The following CDH12 variants were observed in gnomAD, a reference collection of about 807,000 sequenced individuals.
CDH12 encodes the protein cadherin-12.
A neutral mutation model predicts 74.1 loss-of-function variants in CDH12; 41 were observed. The observed-to-expected ratio is 0.55, with a 90% confidence interval of 0.43 to 0.72. CDH12 has a LOEUF of 0.72. CDH12 is among the 30% of genes least tolerant of loss of function. CDH12 has a pLI of 0.00. For missense variants in CDH12, 945 were observed against 977.2 expected (o/e 0.97, Z 0.44); for synonymous variants, 399 against 355.0 (o/e 1.12, Z -1.39).
At chr5:22,105,461 G>C (rs1744380176) in intron 4 of CDH12, among the ~76,000 whole-genome samples, 1 of 150,486 alleles carries the variant, frequency 6.6e-6, no homozygotes. Context: ...ACTTTGGGAG[G>C]CCAAGGAGGG....
chr5:22,045,654 G>A (rs559506819), intron 5 of CDH12, among the ~76,000 whole-genome samples: 26 of 147,750 alleles, frequency 1.8e-4, no homozygotes, highest in Admixed American at 3.4e-4. Context: ...TATAGATAAA[G>A]TTGGAGGGCA....
intron 1 of CDH12, among the ~76,000 whole-genome samples, chr5:22,752,276 A>G (rs1745618347): frequency 1.3e-5 from 2 of 152,002 alleles, no homozygotes; most frequent in Non-Finnish European, 2.9e-5. Context: ...GAAAAATTAT[A>G]AGAAAAAAAC....
chr5:22,339,595 T>A (rs1465401883), intron 3 of CDH12, among the ~76,000 whole-genome samples: 1 of 152,154 alleles, frequency 6.6e-6, no homozygotes, highest in South Asian at 2.1e-4. Flanking sequence ...GGAAATCAGA[T>A]CCAGAGAACA....
rs61616737 is a variant in CDH12 at position 22,836,223 on chromosome 5, C to CTTT, written c.-523+16832_-523+16834dup. ...TTTTTTTCTTTTTTTCTTTCTTTCT[C>CTTT]TTTTTTTTTTTTTTTTTTGAGACAG... On this transcript the variant is annotated intron_variant, in intron 1 of 14. Coordinates refer to ENST00000382254, the MANE Select transcript of CDH12 (RefSeq NM_004061.5). Among the ~76,000 whole-genome samples the CTTT allele has an allele frequency of 1.6e-3, 105 of 65,498 alleles. 12 individuals are homozygous for CTTT. Among genetic ancestry groups the CTTT allele is most frequent in the African/African-American group, 5.5e-3 (89 of 16,088 alleles). 43.0% of individuals were successfully genotyped at this position (65,498 alleles called of 152,430 possible). A position where few individuals can be genotyped will look rare whatever the true frequency, so the allele number is the denominator to read the frequency against.
intron 1 of CDH12, among the ~76,000 whole-genome samples, chr5:22,831,470 A>C (rs1204669879): frequency 6.6e-6 from 1 of 151,716 alleles, no homozygotes; most frequent in African/African-American, 2.4e-5. Flanking sequence ...ACTTTATAGG[A>C]AGTAAATGGA....
At chr5:22,006,589 C>A (rs1286268187) in intron 5 of CDH12, among the ~76,000 whole-genome samples, 2 of 152,112 alleles carry the variant, frequency 1.3e-5, no homozygotes, top group Non-Finnish European at 2.9e-5. Flanking sequence ...AATCTTATGT[C>A]TGAAGGCTTT....
intron 5 of CDH12, among the ~76,000 whole-genome samples, chr5:22,049,965 AT>A (rs1450241465): frequency 6.6e-6 from 1 of 152,050 alleles, no homozygotes; most frequent in Non-Finnish European, 1.5e-5. Flanking sequence ...AATATATCCC[AT>A]TTTCTACAGA....
At chr5:21,782,223 T>G (rs1579691491) in intron 11 of CDH12, among the ~76,000 whole-genome samples, 1 of 152,206 alleles carries the variant, frequency 6.6e-6, no homozygotes, top group Non-Finnish European at 1.5e-5. Context: ...AGCCTCTGGG[T>G]AGTCAGACTT....
At chr5:22,544,667 A>C (rs1353861488) in intron 1 of CDH12, among the ~76,000 whole-genome samples, 1 of 152,050 alleles carries the variant, frequency 6.6e-6, no homozygotes, top group East Asian at 1.9e-4. Context: ...AAATACAAAA[A>C]TTAGCCAGGT....
At chr5:22,364,933 T>C (rs1429588191) in intron 3 of CDH12, among the ~76,000 whole-genome samples, 1 of 152,102 alleles carries the variant, frequency 6.6e-6, no homozygotes, top group African/African-American at 2.4e-5. Flanking sequence ...TAAAGACTCA[T>C]CAAAGAAAGA....
chr5:22,399,965 C>T (rs1164091837), intron 3 of CDH12, among the ~76,000 whole-genome samples: 1 of 152,164 alleles, frequency 6.6e-6, no homozygotes, highest in African/African-American at 2.4e-5. Flanking sequence ...GCCAGAACCT[C>T]ACTGGCCTGA....
intron 2 of CDH12, among the ~76,000 whole-genome samples, chr5:22,433,279 C>T (rs909157637): frequency 1.4e-4 from 21 of 152,058 alleles, no homozygotes; most frequent in African/African-American, 4.3e-4. Flanking sequence ...ATAACATTTG[C>T]CATGTGTGAA....
At chr5:22,174,944 A>G (rs1222135199) in intron 4 of CDH12, among the ~76,000 whole-genome samples, 1 of 151,956 alleles carries the variant, frequency 6.6e-6, no homozygotes, top group Non-Finnish European at 1.5e-5. Flanking sequence ...TCAAGGCTCT[A>G]ATGACTCTAT....
intron 5 of CDH12, among the ~76,000 whole-genome samples, chr5:22,060,277 A>T (rs1017660237): frequency 3.4e-5 from 5 of 145,126 alleles, no homozygotes; most frequent in African/African-American, 1.3e-4. Flanking sequence ...ATAAGAACAC[A>T]TGGGCACAGG....
At chr5:21,813,545 G>A (rs919576998) in intron 9 of CDH12, among the ~76,000 whole-genome samples, 1 of 151,994 alleles carries the variant, frequency 6.6e-6, no homozygotes, top group African/African-American at 2.4e-5. Context: ...ACTCACATGG[G>A]CTCTCTATAT....
chr5:22,738,194 A>T (rs1320461806), intron 1 of CDH12, among the ~76,000 whole-genome samples: 1 of 151,868 alleles, frequency 6.6e-6, no homozygotes, highest in African/African-American at 2.4e-5. Context: ...TATCTCCATG[A>T]CTCTCAGGGC....
chr5:22,015,367 T>C (rs1318600638), intron 5 of CDH12, among the ~76,000 whole-genome samples: 6 of 152,160 alleles, frequency 3.9e-5, no homozygotes, highest in Non-Finnish European at 7.4e-5. Context: ...AGTAGAGATA[T>C]ACATATTGTA....
chr5:21,905,590 ACT>A (rs1753603964), intron 6 of CDH12, among the ~76,000 whole-genome samples: 1 of 151,878 alleles, frequency 6.6e-6, no homozygotes, highest in Non-Finnish European at 1.5e-5. Flanking sequence ...TTACCCGATC[ACT>A]CTCTCTCAGA....
At chr5:21,930,181 T>G (rs950118512) in intron 6 of CDH12, among the ~76,000 whole-genome samples, 3 of 152,090 alleles carry the variant, frequency 2.0e-5, no homozygotes, top group African/African-American at 7.2e-5. Flanking sequence ...GCTGTGAAAG[T>G]GATTAGTGCT....
Sources: allele counts gnomAD v4.1 joint callset (sites outside exome capture counted in the v4.1 genomes callset), GRCh38; gene constraint gnomAD v4.1.1; transcripts MANE v1.5; gene names NCBI Gene and HGNC (gene_info 2026-07-23, HGNC 2026-07-21).